The following RFX3 variants were observed in gnomAD, a reference collection of about 807,000 sequenced individuals.
RFX3 encodes the protein regulatory factor X3, also known as transcription factor RFX3.
Under a neutral mutation model 98.6 loss-of-function variants are expected in RFX3, and 14 were observed. That is an observed-to-expected ratio of 0.14 (90% CI 0.09 to 0.22). RFX3 has a LOEUF of 0.22. RFX3 is among the 10% of genes least tolerant of loss of function. The probability of loss-of-function intolerance (pLI) is 1.00; values close to 1 mark genes in which losing one functional copy is unlikely to be tolerated. For missense variants in RFX3, 639 were observed against 926.9 expected (o/e 0.69, Z 4.03); for synonymous variants, 383 against 328.4 (o/e 1.17, Z -1.80).
intron 1 of RFX3, among the ~76,000 whole-genome samples, chr9:3,406,374 G>T (rs13298908): frequency 1.3e-5 from 2 of 151,524 alleles, no homozygotes; most frequent in Admixed American, 6.6e-5. Flanking sequence ...CTACTTTCCC[G>T]TGATAGCTTC....
intron 1 of RFX3, among the ~76,000 whole-genome samples, chr9:3,465,934 G>A (rs1380617828): frequency 6.6e-6 from 1 of 152,114 alleles, no homozygotes; most frequent in African/African-American, 2.4e-5. Context: ...ACAGGAGAAT[G>A]ATGTAGCTGT....
At chr9:3,453,585 C>A (rs950093508) in intron 1 of RFX3, 1 of 153,428 alleles carries the variant, frequency 6.5e-6, no homozygotes, top group African/African-American at 2.4e-5. Context: ...TGGCACATGC[C>A]CGTAATCCCA....
chr9:3,349,342 T>C (rs532995212), intron 2 of RFX3, among the ~76,000 whole-genome samples: 1 of 152,228 alleles, frequency 6.6e-6, no homozygotes, highest in East Asian at 1.9e-4. Context: ...CCCCTAGAGA[T>C]GTGTAATTTG....
chr9:3,427,379 TATA>T (rs999948217), intron 1 of RFX3, among the ~76,000 whole-genome samples: 136 of 141,804 alleles, frequency 9.6e-4, no homozygotes, highest in Middle Eastern at 3.6e-3. Flanking sequence ...ATTGTTATTA[TATA>T]ATAATACAAT....
chr9:3,277,497 A>G, intron 7 of RFX3, 36 bp from the exon 8 acceptor site: 1 of 1,590,622 alleles, frequency 6.3e-7, no homozygotes. Flanking sequence ...AAATAAACCA[A>G]ATTATTCCTT....
intron 1 of RFX3, among the ~76,000 whole-genome samples, chr9:3,478,105 A>G (rs1417490973): frequency 6.6e-6 from 1 of 152,164 alleles, no homozygotes; most frequent in Non-Finnish European, 1.5e-5. Flanking sequence ...TGTAATAGCT[A>G]ACTTAAAGAC....
intron 1 of RFX3, among the ~76,000 whole-genome samples, chr9:3,410,564 A>T (rs963778899): frequency 6.6e-6 from 1 of 152,200 alleles, no homozygotes; most frequent in African/African-American, 2.4e-5. Context: ...ACTTGCAGCA[A>T]ATAAGTGTAA....
At chr9:3,237,843 G>A (rs1203587143) in intron 15 of RFX3, among the ~76,000 whole-genome samples, 1 of 152,140 alleles carries the variant, frequency 6.6e-6, no homozygotes, top group African/African-American at 2.4e-5. Flanking sequence ...AAGAAGTGGA[G>A]CCAGCCTGAC....
chr9:3,389,265 T>A (rs1039367625), intron 2 of RFX3, among the ~76,000 whole-genome samples: 2 of 152,072 alleles, frequency 1.3e-5, no homozygotes, highest in African/African-American at 2.4e-5. Flanking sequence ...GGTTGAGGCA[T>A]AAAATGAAAA....
chr9:3,256,772 T>G (rs1332767858), intron 14 of RFX3, among the ~76,000 whole-genome samples: 1 of 152,170 alleles, frequency 6.6e-6, no homozygotes, highest in Non-Finnish European at 1.5e-5. Context: ...AGCAAGAGAT[T>G]TCTTTTCCTA....
chr9:3,502,561 G>C (rs1035689884), intron 1 of RFX3, among the ~76,000 whole-genome samples: 2 of 152,116 alleles, frequency 1.3e-5, no homozygotes, highest in Non-Finnish European at 2.9e-5. Context: ...AGAACTTTCA[G>C]TCTTTGTGCA....
Position 3,388,604 on chromosome 9 carries a change from A to G in RFX3, c.117+6868T>C, listed in dbSNP as rs187102920. Among the ~76,000 whole-genome samples, 5 of 152,180 alleles carry G rather than the reference A, an allele frequency of 3.3e-5. No individual in the cohort carries two copies. The East Asian group carries it at 9.7e-4, about 29-fold the overall frequency. On this transcript the variant is annotated intron_variant, in intron 2 of 16. Coordinates refer to ENST00000617270, the MANE Select transcript of RFX3 (RefSeq NM_001282116.2). Reference sequence around the variant, plus strand: ...TCTAGGCAATTTATAGAAAAAAACAAATGTTCTTTCCTGAATATAGTCTTG... The same window carrying G: ...TCTAGGCAATTTATAGAAAAAAACAGATGTTCTTTCCTGAATATAGTCTTG...
Position 3,266,315 on chromosome 9 carries a change from A to G in RFX3, c.1358-10T>C. 1 of 1,563,910 alleles carries G rather than the reference A, an allele frequency of 6.4e-7. No individual in the cohort carries two copies. On this transcript the variant is annotated splice_polypyrimidine_tract_variant and intron_variant, in intron 11 of 16. Coordinates refer to ENST00000617270, the MANE Select transcript of RFX3 (RefSeq NM_001282116.2). The stretch of plus-strand genomic sequence containing the variant: ...GCTTGGGTCAAGGCACCTAAACATT[A>G]AAGAATAAAAGCAGGATAAAAAAAA...
At chr9:3,507,103 T>C (rs1365904432) in intron 1 of RFX3, among the ~76,000 whole-genome samples, 1 of 151,952 alleles carries the variant, frequency 6.6e-6, no homozygotes, top group African/African-American at 2.4e-5. Flanking sequence ...TGGAGTCTTC[T>C]GCCCTCAGTA....
chr9:3,357,075 G>C (rs933610207), intron 2 of RFX3, among the ~76,000 whole-genome samples: 8 of 151,518 alleles, frequency 5.3e-5, no homozygotes, highest in African/African-American at 1.9e-4. Context: ...ATATTTAATA[G>C]TAGGAGACAG....
At chr9:3,427,687 G>GA (rs199930727) in intron 1 of RFX3, among the ~76,000 whole-genome samples, 1,521 of 151,904 alleles carry the variant, frequency 0.01, 20 homozygotes, top group African/African-American at 0.03. Flanking sequence ...TCTTTTGGCA[G>GA]AATTAAACTT....
intron 12 of RFX3, among the ~76,000 whole-genome samples, chr9:3,264,965 A>T (rs1823424825): frequency 6.6e-6 from 1 of 152,184 alleles, no homozygotes. Flanking sequence ...TGACTGACTG[A>T]AAGTTGAAAA....
chr9:3,504,632 C>CTATATGGTATATATTGT (rs1564184517), intron 1 of RFX3, among the ~76,000 whole-genome samples: 5 of 8,064 alleles, frequency 6.2e-4, no homozygotes, highest in Non-Finnish European at 1.0e-3. Context: ...GTATATATTG[C>CTATATGGTATATATTGT]ATATAAAATA....
At chr9:3,277,531 C>T (rs1825393770) in intron 7 of RFX3, 70 bp from the exon 8 acceptor site, 1 of 1,355,696 alleles carries the variant, frequency 7.4e-7, no homozygotes, top group South Asian at 1.2e-5. Flanking sequence ...ACCCGAAACT[C>T]CCAAAGCATT....
Sources: allele counts gnomAD v4.1 joint callset (sites outside exome capture counted in the v4.1 genomes callset), GRCh38; gene constraint gnomAD v4.1.1; transcripts MANE v1.5; gene names NCBI Gene and HGNC (gene_info 2026-07-23, HGNC 2026-07-21).